SLCO3A1: variants seen among roughly 807,000 people sequenced by gnomAD.
SLCO3A1 encodes the protein PGE1 transporter.
Under a neutral mutation model 63.1 loss-of-function variants are expected in SLCO3A1, and 27 were observed. That is an observed-to-expected ratio of 0.43 (90% CI 0.32 to 0.59). The LOEUF (loss-of-function observed/expected upper bound fraction) is 0.59. Among genes scored for constraint, SLCO3A1 ranks in the 20% least tolerant of loss-of-function variants. The probability of loss-of-function intolerance (pLI) is 0.09; values close to 1 mark genes in which losing one functional copy is unlikely to be tolerated. For missense variants in SLCO3A1, 773 were observed against 945.8 expected (o/e 0.82, Z 2.40); for synonymous variants, 473 against 409.9 (o/e 1.15, Z -1.86).
At chr15:92,127,739 C>T (rs7402225) in intron 6 of SLCO3A1, among the ~76,000 whole-genome samples, 9,271 of 152,118 alleles carry the variant, frequency 0.061, 456 homozygotes, top group Admixed American at 0.16. Context: ...AATTAAAACA[C>T]CTTAGTGTTA....
intron 2 of SLCO3A1, among the ~76,000 whole-genome samples, chr15:92,032,832 C>G (rs1289865050): frequency 6.8e-6 from 1 of 148,114 alleles, no homozygotes; most frequent in African/African-American, 2.5e-5. Context: ...GTTGGATTGC[C>G]CTTATAAGGG....
chr15:92,135,801 T>A (rs1458120234), intron 7 of SLCO3A1, among the ~76,000 whole-genome samples: 1 of 152,162 alleles, frequency 6.6e-6, no homozygotes, highest in Non-Finnish European at 1.5e-5. Context: ...AGATCAAAGA[T>A]CTCACAGGCA....
intron 2 of SLCO3A1, among the ~76,000 whole-genome samples, chr15:91,917,860 C>A (rs1398542129): frequency 6.6e-6 from 1 of 152,230 alleles, no homozygotes; most frequent in Admixed American, 6.5e-5. Context: ...GGTCCACCCT[C>A]TGACTTGACT....
chr15:91,946,536 G>A (rs2151405502), intron 2 of SLCO3A1, among the ~76,000 whole-genome samples: 1 of 152,312 alleles, frequency 6.6e-6, no homozygotes, highest in Admixed American at 6.5e-5. Context: ...GAAAATGATG[G>A]AATATTTCCC....
At chr15:92,064,870 G>A (rs925877308) in intron 2 of SLCO3A1, among the ~76,000 whole-genome samples, 7 of 152,164 alleles carry the variant, frequency 4.6e-5, no homozygotes, top group Middle Eastern at 3.2e-3. Flanking sequence ...TGGAGGGTAG[G>A]GAGGAAGGGG....
rs1043239677 is a variant in SLCO3A1, at chr15:92,033,998, G to A, written c.647-60883G>A. ...GAATGGGGGCGCCATGGCAGATCAC[G>A]TGGAGTCCTGGTGACCATTGGGCTG... On this transcript the variant is annotated intron_variant, in intron 2 of 9. Transcript: ENST00000318445. The surrounding 1 kb of genome is among the most constrained non-coding windows in gnomAD (Gnocchi z 4.5). 2.6e-5 allele frequency among the ~76,000 whole-genome samples: 4 copies of A among 152,062 alleles called. No individual in the cohort carries two copies. Among genetic ancestry groups the A allele is most frequent in the Admixed American group, 6.5e-5 (1 of 15,268 alleles).
chr15:92,094,404 A>G (rs79264534), intron 2 of SLCO3A1, among the ~76,000 whole-genome samples: 4,633 of 152,332 alleles, frequency 0.03, 103 homozygotes, highest in Admixed American at 0.053. Flanking sequence ...ACGTTTTATT[A>G]TATTTGAAAA....
At position 91,950,225 on chromosome 15, in the gene SLCO3A1, T is replaced by A. The variant is rs370673502; in HGVS notation, c.646+33767T>A. Among the ~76,000 whole-genome samples the A allele has an allele frequency of 7.2e-5, 11 of 152,100 alleles. No individual in the cohort carries two copies. Among genetic ancestry groups the A allele is most frequent in the Admixed American group, 1.3e-4 (2 of 15,282 alleles). ...GCCTGATGGTATGGAGTCTGCATGC[T>A]CAGGGCTGCCTGCTGTGGCCAGAGA... On this transcript the variant is annotated intron_variant, in intron 2 of 9. Transcript: ENST00000318445. The surrounding 1 kb of genome is among the most constrained non-coding windows in gnomAD (Gnocchi z 4.4).
chr15:92,038,908 A>C (rs976392623), intron 2 of SLCO3A1, among the ~76,000 whole-genome samples: 1 of 152,234 alleles, frequency 6.6e-6, no homozygotes, highest in Non-Finnish European at 1.5e-5. Flanking sequence ...AAAAAGACAT[A>C]TAGACCAATG....
chr15:92,141,145 C>T (rs1474655038), intron 7 of SLCO3A1, among the ~76,000 whole-genome samples: 3 of 152,082 alleles, frequency 2.0e-5, no homozygotes, highest in Non-Finnish European at 4.4e-5. Context: ...AGCTAGATCC[C>T]GCCACCCCCC....
At chr15:91,953,274 T>C (rs1322319952) in intron 2 of SLCO3A1, among the ~76,000 whole-genome samples, 1 of 152,216 alleles carries the variant, frequency 6.6e-6, no homozygotes, top group Non-Finnish European at 1.5e-5. Flanking sequence ...GAATAGACAC[T>C]TGTGTTCTTG....
chr15:92,137,957 G>C (rs1291714598), intron 7 of SLCO3A1, among the ~76,000 whole-genome samples: 1 of 119,724 alleles, frequency 8.4e-6, no homozygotes, highest in Admixed American at 8.9e-5. Flanking sequence ...TTCTTTTGCT[G>C]TGCAGAAGCT....
rs1339487252 is a variant in SLCO3A1, at chr15:92,034,978, A to C, written c.647-59903A>C. On this transcript the variant is annotated intron_variant, in intron 2 of 9. Coordinates refer to ENST00000318445, the MANE Select transcript of SLCO3A1 (RefSeq NM_013272.4). ...GCACTGTAAGGTTACCACATTTTGC[A>C]TCTGAGGGAACTGAGGTTTGGAAAG... Among the ~76,000 whole-genome samples, 4 of 151,886 alleles carry C rather than the reference A, an allele frequency of 2.6e-5. 1 individual carries two copies. Among genetic ancestry groups the C allele is most frequent in the Non-Finnish European group, 4.4e-5 (3 of 67,882 alleles).
chr15:92,091,965 C>A (rs2047483040), intron 2 of SLCO3A1, among the ~76,000 whole-genome samples: 1 of 152,228 alleles, frequency 6.6e-6, no homozygotes, highest in African/African-American at 2.4e-5. Context: ...GGTGTGGTGT[C>A]TCCACAGCAG....
intron 2 of SLCO3A1, among the ~76,000 whole-genome samples, chr15:92,072,820 A>G (rs1455322565): frequency 6.6e-6 from 1 of 152,192 alleles, no homozygotes. Flanking sequence ...GTAGCCCAGG[A>G]TGATCTCATC....
chr15:91,965,255 G>A (rs1900614963), intron 2 of SLCO3A1, among the ~76,000 whole-genome samples: 1 of 152,132 alleles, frequency 6.6e-6, no homozygotes, highest in African/African-American at 2.4e-5. Flanking sequence ...CCAGTGCTTG[G>A]GAAACCCAAA....
At chr15:91,960,210 CCT>C (rs1307569966) in intron 2 of SLCO3A1, among the ~76,000 whole-genome samples, 4 of 152,126 alleles carry the variant, frequency 2.6e-5, no homozygotes, top group African/African-American at 9.7e-5. Context: ...CTCTCGATCT[CCT>C]GACCTCGTGA....
In SLCO3A1 at chr15:91,853,986, CAAGAAA is replaced by C. The variant is rs769400322; in HGVS notation, c.90_95del (p.Lys31_Lys32del). The C allele has an allele frequency of 1.6e-5, 25 of 1,531,826 alleles. No homozygotes were observed. The highest frequency in any genetic ancestry group is 6.0e-5 in the South Asian group (5 of 82,648). The allele number at this position is 1,531,826 out of a possible 1,614,324, so 94.9% of individuals were successfully genotyped here. On this transcript the variant is annotated inframe_deletion, in exon 1 of 10. Transcript: ENST00000318445. Reference sequence around the variant, plus strand: ...TGCAGGGGGACGAGGCGCAGAGGAACAAGAAAAAGAAAAAGAAGGTGTCCTGCTTTT... The same window carrying C: ...TGCAGGGGGACGAGGCGCAGAGGAACAAGAAAAAGAAGGTGTCCTGCTTTT...
At chr15:91,913,435 T>G (rs1391604556) in intron 1 of SLCO3A1, among the ~76,000 whole-genome samples, 4 of 152,204 alleles carry the variant, frequency 2.6e-5, no homozygotes, top group African/African-American at 9.7e-5. Flanking sequence ...CCAGACCAGT[T>G]CAGTCAGAAC....
Sources: allele counts gnomAD v4.1 joint callset (sites outside exome capture counted in the v4.1 genomes callset), GRCh38; gene constraint gnomAD v4.1.1; non-coding constraint Gnocchi (gnomAD v3.1); transcripts MANE v1.5; gene names NCBI Gene and HGNC (gene_info 2026-07-23, HGNC 2026-07-21).